Variants in BCL11B observed in about 807,000 individuals in gnomAD.
The protein encoded by BCL11B is BCL11 transcription factor B.
Under a neutral mutation model 49.9 loss-of-function variants are expected in BCL11B, and 8 were observed. That is an observed-to-expected ratio of 0.16 (90% confidence interval 0.09 to 0.29). The LOEUF (loss-of-function observed/expected upper bound fraction) is 0.29. Among genes scored for constraint, BCL11B ranks in the 10% least tolerant of loss-of-function variants. BCL11B has a pLI of 1.00. For missense variants in BCL11B, 1,006 were observed against 1,351.0 expected (o/e 0.74, Z 4.00); for synonymous variants, 739 against 637.4 (o/e 1.16, Z -2.40).
intron 1 of BCL11B, among the ~76,000 whole-genome samples, chr14:99,267,532 G>A (rs1269019948): frequency 5.4e-5 from 4 of 73,740 alleles, no homozygotes; most frequent in Non-Finnish European, 1.1e-4. Flanking sequence ...GTGCAGAAGG[G>A]AGAGGAACTT....
At chr14:99,255,210 T>C (rs1889122605) in intron 2 of BCL11B, among the ~76,000 whole-genome samples, 1 of 152,156 alleles carries the variant, frequency 6.6e-6, no homozygotes, top group Non-Finnish European at 1.5e-5. Context: ...ATGTAGACTG[T>C]TTTGTGCCTT....
At chr14:99,209,826 G>A (rs934779190) in intron 3 of BCL11B, among the ~76,000 whole-genome samples, 8 of 152,096 alleles carry the variant, frequency 5.3e-5, no homozygotes, top group African/African-American at 1.7e-4. Flanking sequence ...CAAAACCACT[G>A]CAAAAATGCA....
At position 99,258,876 on chromosome 14, in the gene BCL11B, C is replaced by A. The variant is rs1889254523; in HGVS notation, c.59-1037G>T. Among the ~76,000 whole-genome samples, 3 of 145,814 alleles carry A rather than the reference C, an allele frequency of 2.1e-5. No individual in the cohort carries two copies. In the South Asian group the frequency reaches 7.4e-4, roughly 36 times the overall value. On this transcript the variant is annotated intron_variant, in intron 1 of 3. Transcript: ENST00000357195. The stretch of plus-strand genomic sequence containing the variant: ...GTATGTTTTTATATTTCTTTAGCAG[C>A]CGATAGATTTCTCTTGGGTTTTTTT...
rs1195442327 is a variant in BCL11B, at chr14:99,170,341, T to C, written c.*3810A>G. Reference sequence around the variant, plus strand: ...AAAAGCTTCTGCATTTGGTAAGGAATTGCCCAAAAGGATGCTTGGTTATAC... The same window carrying C: ...AAAAGCTTCTGCATTTGGTAAGGAACTGCCCAAAAGGATGCTTGGTTATAC... On this transcript the variant is annotated 3_prime_UTR_variant, in exon 4 of 4. Transcript: ENST00000357195. 4.5e-6 allele frequency: 1 copy of C among 222,078 alleles called. No individual in the cohort carries two copies. The highest frequency in any genetic ancestry group is 6.6e-5 in the East Asian group (1 of 15,140). 13.8% of individuals were successfully genotyped at this position (222,078 alleles called of 1,614,324 possible).
At chr14:99,252,436 G>GA (rs1339706315) in intron 2 of BCL11B, among the ~76,000 whole-genome samples, 1 of 152,084 alleles carries the variant, frequency 6.6e-6, no homozygotes, top group Non-Finnish European at 1.5e-5. Context: ...TAAAAGTCTG[G>GA]AGAGAACATT....
intron 2 of BCL11B, among the ~76,000 whole-genome samples, chr14:99,244,175 T>C (rs1341916466): frequency 2.0e-5 from 3 of 152,106 alleles, no homozygotes; most frequent in East Asian, 3.9e-4. Context: ...TTCTGATCAC[T>C]GTTGAGCCGT....
At chr14:99,185,557 C>T (rs1323386458) in intron 3 of BCL11B, among the ~76,000 whole-genome samples, 1 of 151,826 alleles carries the variant, frequency 6.6e-6, no homozygotes, top group Non-Finnish European at 1.5e-5. Flanking sequence ...TGTGTGAGCA[C>T]ACTCAAGGTG....
intron 1 of BCL11B, among the ~76,000 whole-genome samples, chr14:99,270,755 C>T (rs1196592534): frequency 6.8e-6 from 1 of 147,038 alleles, no homozygotes; most frequent in Non-Finnish European, 1.5e-5. Flanking sequence ...CCGGCTCCCC[C>T]TCCCCCTCCG....
intron 3 of BCL11B, among the ~76,000 whole-genome samples, chr14:99,210,601 C>T (rs1219277274): frequency 6.6e-6 from 1 of 152,162 alleles, no homozygotes; most frequent in Non-Finnish European, 1.5e-5. Context: ...TGCCCGAGGA[C>T]CAAGAAACTG....
rs1319933867 is a variant in BCL11B at position 99,194,521 on chromosome 14, T to C, written c.641-18326A>G. ...GAACAAAGGACTGAACACTATGGGG[T>C]TCTATTCCCAACCAGCTATGACTCG... On this transcript the variant is annotated intron_variant, in intron 3 of 3. Coordinates refer to ENST00000357195, the MANE Select transcript of BCL11B (RefSeq NM_138576.4). This position sits in a 1 kb window ranked among gnomAD's most constrained non-coding sequence, Gnocchi z 4.6. Among the ~76,000 whole-genome samples, 1 of 152,144 alleles carries C rather than the reference T, an allele frequency of 6.6e-6. No homozygotes were observed. Among genetic ancestry groups the C allele is most frequent in the Admixed American group, 6.5e-5 (1 of 15,278 alleles).
chr14:99,252,627 AG>A (rs1335676728), intron 2 of BCL11B, among the ~76,000 whole-genome samples: 3 of 152,232 alleles, frequency 2.0e-5, no homozygotes, highest in African/African-American at 4.8e-5. Flanking sequence ...TCAAGTGGGC[AG>A]GGACATCGCA....
intron 2 of BCL11B, among the ~76,000 whole-genome samples, chr14:99,245,918 T>A (rs954957401): frequency 6.7e-6 from 1 of 149,096 alleles, no homozygotes; most frequent in Non-Finnish European, 1.5e-5. Context: ...GCGTGCTCGC[T>A]GGGCTGCTGC....
At position 99,172,107 on chromosome 14, in the gene BCL11B, C is replaced by A; in HGVS notation, c.*2044G>T. On this transcript the variant is annotated 3_prime_UTR_variant, in exon 4 of 4. Transcript: ENST00000357195. ...TTTTTACCCTTGTATGTACCCAATA[C>A]TGTAAACGTATTTTTAAGACAGAGT... The A allele has an allele frequency of 4.6e-6, 1 of 219,434 alleles. No homozygotes were observed. The highest frequency in any genetic ancestry group is 9.2e-6 in the Non-Finnish European group (1 of 109,222). The allele number at this position is 219,434 out of a possible 1,614,324, so 13.6% of individuals were successfully genotyped here.
chr14:99,225,675 A>T (rs569009460), intron 3 of BCL11B, among the ~76,000 whole-genome samples: 1 of 152,372 alleles, frequency 6.6e-6, no homozygotes, highest in African/African-American at 2.4e-5. Context: ...GAAAGAAAGA[A>T]ACTGCACTTC....
At chr14:99,256,507 G>C (rs1889168075) in intron 2 of BCL11B, among the ~76,000 whole-genome samples, 1 of 152,156 alleles carries the variant, frequency 6.6e-6, no homozygotes, top group African/African-American at 2.4e-5. Flanking sequence ...CTCCAGCACA[G>C]GCTGCTGCTT....
chr14:99,221,756 G>A (rs747588831), intron 3 of BCL11B, among the ~76,000 whole-genome samples: 18 of 152,254 alleles, frequency 1.2e-4, no homozygotes, highest in East Asian at 9.6e-4. Context: ...TGAACTACAA[G>A]AGAAGCTGCC....
chr14:99,225,838 A>C (rs1378962528), intron 3 of BCL11B, among the ~76,000 whole-genome samples: 2 of 152,160 alleles, frequency 1.3e-5, no homozygotes, highest in African/African-American at 2.4e-5. Flanking sequence ...CCACTCAGGG[A>C]TTTGCTGGGG....
rs767442219 is a variant in BCL11B, at chr14:99,175,684, G to A, written c.1152C>T (p.Arg384=). 1.3e-6 allele frequency: 2 copies of A among 1,532,066 alleles called. No homozygotes were observed. Among genetic ancestry groups the A allele is most frequent in the East Asian group, 2.4e-5 (1 of 41,182 alleles). 94.9% of individuals were successfully genotyped at this position (1,532,066 alleles called of 1,614,324 possible). ...SSTPPPVSPG[R]GNPMHRLLNP... ...TCAGGAGCCGGTGCATAGGGTTGCC[G>A]CGGCCCGGGGACACGGGCGGCGGCG... Residue 384 remains arginine, a synonymous_variant, in exon 4 of 4, where the codon CGC becomes CGT. Transcript: ENST00000357195.
chr14:99,190,460 C>T (rs1234315446), intron 3 of BCL11B, among the ~76,000 whole-genome samples: 1 of 152,240 alleles, frequency 6.6e-6, no homozygotes, highest in African/African-American at 2.4e-5. Context: ...TGCACTCCAG[C>T]CTGGGCGACA....
Sources: gnomAD v4.1 joint callset for allele counts (sites outside exome capture counted in the v4.1 genomes callset) on GRCh38, gnomAD v4.1.1 for gene constraint, Gnocchi (gnomAD v3.1) non-coding constraint, MANE v1.5 for transcripts, NCBI Gene and HGNC (gene_info 2026-07-23, HGNC 2026-07-21) for gene names.